Variants in PEX5L observed in about 807,000 individuals in gnomAD.
PEX5L encodes the protein PEX5-related protein.
PEX5L carries 30 observed loss-of-function variants against 84.0 expected under a neutral mutation model. The ratio of observed to expected loss-of-function variants is 0.36; its 90% CI spans 0.27 to 0.48. The LOEUF is 0.48. Ranked by LOEUF, PEX5L falls within the 20% of genes least tolerant of loss-of-function variation. The pLI is 0.99. For missense variants in PEX5L, 533 were observed against 754.6 expected, an observed-to-expected ratio of 0.71 and a Z score of 3.44; for synonymous variants, 270 against 283.1, an observed-to-expected ratio of 0.95 and a Z score of 0.46.
At position 179,797,681 on chromosome 3, in the gene PEX5L, G is replaced by T. The variant is rs1717596649; in HGVS notation, c.*4147C>A. The T allele has an allele frequency of 4.1e-5, 6 of 147,856 alleles. 1 individual carries two copies. Among genetic ancestry groups the T allele is most frequent in the Admixed American group, 4.1e-4 (6 of 14,806 alleles). 9.2% of individuals were successfully genotyped at this position (147,856 alleles called of 1,614,324 possible). On this transcript the variant is annotated 3_prime_UTR_variant, in exon 15 of 15. Transcript: ENST00000467460. ...AATTTCAACCAGTTCTATAACTATT[G>T]AGATGATGATAGGGAAACTGCAGTA... is the stretch of plus-strand genomic sequence containing the variant.
chr3:179,858,845 T>C (rs1400966470), intron 8 of PEX5L, among the ~76,000 whole-genome samples: 2 of 152,202 alleles, frequency 1.3e-5, no homozygotes, highest in African/African-American at 4.8e-5. Flanking sequence ...AGAGGTAATA[T>C]ATATTTGTCA....
intron 1 of PEX5L, among the ~76,000 whole-genome samples, chr3:179,999,125 A>G (rs912728486): frequency 2.6e-5 from 4 of 152,214 alleles, no homozygotes; most frequent in Non-Finnish European, 4.4e-5. Flanking sequence ...GCTGTAGCCA[A>G]TGGTTTGGCT....
chr3:179,807,382 T>C (rs111270860), intron 14 of PEX5L, among the ~76,000 whole-genome samples: 27 of 152,272 alleles, frequency 1.8e-4, no homozygotes, highest in African/African-American at 6.3e-4. Context: ...AAAATGCTGA[T>C]AACTTGTCCT....
Position 179,859,174 on chromosome 3 carries a change from A to T in PEX5L, c.727-17T>A. On this transcript the variant is annotated splice_polypyrimidine_tract_variant and intron_variant, in intron 7 of 14. Coordinates refer to ENST00000467460, the MANE Select transcript of PEX5L (RefSeq NM_016559.3). ...CAGTCGAGCCTGAAATCAATCATAC[A>T]CATAGTGTTATAATATTAGAATCAC... 1 of 1,549,874 alleles carries T rather than the reference A, an allele frequency of 6.5e-7. No individual in the cohort carries two copies. Among genetic ancestry groups the T allele is most frequent in the Non-Finnish European group, 8.9e-7 (1 of 1,121,672 alleles).
chr3:179,943,756 C>T (rs1776782247), intron 2 of PEX5L, among the ~76,000 whole-genome samples: 1 of 152,204 alleles, frequency 6.6e-6, no homozygotes, highest in Admixed American at 6.5e-5. Context: ...TTCTTAGATG[C>T]TCAAGTCAGA....
chr3:179,923,595 G>A (rs114960863), intron 2 of PEX5L, among the ~76,000 whole-genome samples: 361 of 152,294 alleles, frequency 2.4e-3, no homozygotes, highest in African/African-American at 8.2e-3. Flanking sequence ...TTCTATGCAT[G>A]CTAACGTTTG....
At chr3:179,949,954 TG>T (rs1176150550) in intron 2 of PEX5L, among the ~76,000 whole-genome samples, 1 of 152,214 alleles carries the variant, frequency 6.6e-6, no homozygotes, top group Non-Finnish European at 1.5e-5. Context: ...TCATCTTGGC[TG>T]GACCCTGACA....
At chr3:179,964,651 C>T (rs1336511919) in intron 2 of PEX5L, among the ~76,000 whole-genome samples, 1 of 152,158 alleles carries the variant, frequency 6.6e-6, no homozygotes. Flanking sequence ...CATGAATAGA[C>T]ACTTTTTAAA....
At chr3:180,013,849 C>A (rs537959742) in intron 1 of PEX5L, among the ~76,000 whole-genome samples, 2 of 152,232 alleles carry the variant, frequency 1.3e-5, no homozygotes, top group Admixed American at 6.5e-5. Flanking sequence ...CTTTTTTCTA[C>A]CTTTCTTTTT....
chr3:179,986,366 T>G (rs1414937056), intron 1 of PEX5L, among the ~76,000 whole-genome samples: 5 of 151,014 alleles, frequency 3.3e-5, no homozygotes, highest in African/African-American at 1.2e-4. Flanking sequence ...GGTTTCCAAA[T>G]GAGGAAATGG....
At chr3:180,026,177 A>G (rs1790943937) in intron 1 of PEX5L, among the ~76,000 whole-genome samples, 1 of 144,084 alleles carries the variant, frequency 6.9e-6, no homozygotes, top group Non-Finnish European at 1.5e-5. Context: ...TAGGCAATTA[A>G]TTGAAGAAAT....
At chr3:179,873,539 C>T (rs1205254421) in intron 7 of PEX5L, among the ~76,000 whole-genome samples, 3 of 151,978 alleles carry the variant, frequency 2.0e-5, no homozygotes, top group Non-Finnish European at 2.9e-5. Context: ...TGACTTTGGC[C>T]TTCTTAGAAC....
chr3:179,805,250 G>T (rs552223410), intron 14 of PEX5L, among the ~76,000 whole-genome samples: 3 of 144,602 alleles, frequency 2.1e-5, no homozygotes, highest in Middle Eastern at 3.7e-3. Flanking sequence ...AAACTTAGTC[G>T]ATACGTTCCA....
At chr3:179,879,373 T>C (rs1027955207) in intron 5 of PEX5L, among the ~76,000 whole-genome samples, 6 of 152,182 alleles carry the variant, frequency 3.9e-5, no homozygotes, top group African/African-American at 1.4e-4. Context: ...CTTGGGCAAA[T>C]TGCTTAAATT....
At chr3:179,853,274 T>C (rs560282493) in intron 8 of PEX5L, among the ~76,000 whole-genome samples, 2 of 152,342 alleles carry the variant, frequency 1.3e-5, no homozygotes, top group African/African-American at 4.8e-5. Flanking sequence ...GCATGTCTGA[T>C]GAATGTGTTG....
At chr3:180,032,808 TG>T (rs1317342797) in intron 1 of PEX5L, among the ~76,000 whole-genome samples, 1 of 152,128 alleles carries the variant, frequency 6.6e-6, no homozygotes, top group Non-Finnish European at 1.5e-5. Context: ...GAGCCGAGAT[TG>T]GGCCACTGCA....
At chr3:179,946,463 A>G (rs1204295534) in intron 2 of PEX5L, among the ~76,000 whole-genome samples, 3 of 152,226 alleles carry the variant, frequency 2.0e-5, no homozygotes, top group African/African-American at 7.2e-5. Context: ...AAACACAGAG[A>G]CTGAAGAAAG....
At chr3:179,926,663 G>T (rs1363380060) in intron 2 of PEX5L, among the ~76,000 whole-genome samples, 1 of 152,158 alleles carries the variant, frequency 6.6e-6, no homozygotes, top group Non-Finnish European at 1.5e-5. Flanking sequence ...TATGTTTGCT[G>T]TTGTCTCTCC....
At chr3:180,003,727 A>C (rs1351448847) in intron 1 of PEX5L, among the ~76,000 whole-genome samples, 3 of 152,200 alleles carry the variant, frequency 2.0e-5, no homozygotes, top group Admixed American at 6.5e-5. Flanking sequence ...TTTTTCAATA[A>C]GAACAAAAGG....
Sources: gnomAD v4.1 joint callset for allele counts (sites outside exome capture counted in the v4.1 genomes callset) on GRCh38, gnomAD v4.1.1 for gene constraint, MANE v1.5 for transcripts, NCBI Gene and HGNC (gene_info 2026-07-23, HGNC 2026-07-21) for gene names.